GGA2: variants seen among roughly 807,000 people sequenced by gnomAD.
GGA2 encodes ADP-ribosylation factor-binding protein GGA2.
A neutral mutation model predicts 79.5 loss-of-function variants in GGA2; 48 were observed. The ratio of observed to expected loss-of-function variants is 0.60; its 90% confidence interval spans 0.48 to 0.77. The LOEUF (loss-of-function observed/expected upper bound fraction) is 0.77. GGA2 is among the 30% of genes least tolerant of loss of function. The pLI, the probability that GGA2 is intolerant of heterozygous loss-of-function variation, is 0.00. For synonymous variants in GGA2, 317 were observed against 302.0 expected (o/e 1.05, Z -0.51); for missense variants, 770 against 774.0 (o/e 0.99, Z 0.06).
chr16:23,516,692 C>T (rs190180085), intron 2 of GGA2, among the ~76,000 whole-genome samples: 20 of 152,298 alleles, frequency 1.3e-4, no homozygotes, highest in African/African-American at 4.8e-4. Context: ...GTGCCTGCCA[C>T]TCCCCACCTG....
rs1964431327 is a variant in GGA2 at position 23,465,924 on chromosome 16, G to A, written c.*1666C>T. ...CCACCGCACTCCAGCCTGAGTGACA[G>A]AGTGAGATATGGCCTCAAAAAACAA... On this transcript the variant is annotated 3_prime_UTR_variant, in exon 17 of 17. Transcript: ENST00000309859. 1 of 153,224 alleles carries A rather than the reference G, an allele frequency of 6.5e-6. No individual in the cohort carries two copies. Among genetic ancestry groups the A allele is most frequent in the Non-Finnish European group, 1.5e-5 (1 of 68,698 alleles). 9.5% of individuals were successfully genotyped at this position (153,224 alleles called of 1,614,324 possible). A position where few individuals can be genotyped will look rare whatever the true frequency, so the allele number is the denominator to read the frequency against.
At chr16:23,475,148 A>T (rs891738027) in intron 13 of GGA2, 87 bp from the exon 14 acceptor site, 1 of 754,562 alleles carries the variant, frequency 1.3e-6, no homozygotes, top group Non-Finnish European at 2.2e-6. Flanking sequence ...GAACAAGGAA[A>T]AAATAACACA....
intron 1 of GGA2, among the ~76,000 whole-genome samples, chr16:23,500,699 G>A (rs1046698723): frequency 6.6e-6 from 1 of 152,260 alleles, no homozygotes; most frequent in African/African-American, 2.4e-5. Context: ...GAACCGCCCT[G>A]CAGCTATAAC....
At chr16:23,491,890 G>A (rs914863564) in intron 4 of GGA2, 90 bp from the exon 5 acceptor site, 29 of 865,556 alleles carry the variant, frequency 3.4e-5, no homozygotes, top group Middle Eastern at 5.9e-4. Flanking sequence ...GAGGCCCAGA[G>A]ACACAAGCTC....
intron 1 of GGA2, among the ~76,000 whole-genome samples, chr16:23,500,195 G>T (rs1275097400): frequency 6.6e-6 from 1 of 152,242 alleles, no homozygotes; most frequent in East Asian, 1.9e-4. Flanking sequence ...GGCTGCTAGT[G>T]GGGAGCAGCC....
At position 23,464,991 on chromosome 16, in the gene GGA2, G is replaced by A. The variant is rs1964416949; in HGVS notation, c.*2599C>T. 1 of 292,684 alleles carries A rather than the reference G, an allele frequency of 3.4e-6. No individual in the cohort carries two copies. The highest frequency in any genetic ancestry group is 4.7e-5 in the Admixed American group (1 of 21,112). The allele number at this position is 292,684 out of a possible 1,614,324, so 18.1% of individuals were successfully genotyped here. A position where few individuals can be genotyped will look rare whatever the true frequency, so the allele number is the denominator to read the frequency against. ...AGGAAAAAGAGCAGTCACGGAGGTA[G>A]GTCACGAAATGGGTCAACAGGACCC... On this transcript the variant is annotated 3_prime_UTR_variant, in exon 17 of 17. Coordinates refer to ENST00000309859, the MANE Select transcript of GGA2 (RefSeq NM_015044.4).
chr16:23,513,165 T>G (rs1468832190), upstream of GGA2, among the ~76,000 whole-genome samples: 1 of 152,154 alleles, frequency 6.6e-6, no homozygotes, highest in Non-Finnish European at 1.5e-5. Context: ...ATCCTTCAAC[T>G]CCTGAAACTT....
intron 5 of GGA2, 100 bp from the exon 6 acceptor site, chr16:23,488,809 T>C (rs1172024521): frequency 4.3e-6 from 3 of 690,604 alleles, no homozygotes; most frequent in Non-Finnish European, 7.6e-6. Context: ...CCTAATACCA[T>C]GCTAGCAAAG....
chr16:23,472,151 C>T (rs1964518594), intron 14 of GGA2, among the ~76,000 whole-genome samples: 2 of 147,218 alleles, frequency 1.4e-5, no homozygotes, highest in South Asian at 4.3e-4. Flanking sequence ...TTCTTTGTAG[C>T]CCTGGCATCC....
chr16:23,503,076 A>T (rs1964937028), intron 1 of GGA2, among the ~76,000 whole-genome samples: 1 of 152,188 alleles, frequency 6.6e-6, no homozygotes, highest in Non-Finnish European at 1.5e-5. Context: ...GAATATGGCA[A>T]AGTGAGGGAG....
At chr16:23,486,642 C>CTCA in intron 7 of GGA2, 68 bp downstream of exon 7, 1 of 901,260 alleles carries the variant, frequency 1.1e-6, no homozygotes, top group Non-Finnish European at 1.9e-6. Flanking sequence ...CAAGCATAGG[C>CTCA]TCATATGCAC....
intron 3 of GGA2, 163 bp from the exon 4 acceptor site, chr16:23,493,621 A>G: frequency 1.7e-6 from 1 of 600,600 alleles, no homozygotes; most frequent in Non-Finnish European, 3.0e-6. Flanking sequence ...TTTTCAGATC[A>G]AGAAAAAAAT....
Position 23,465,482 on chromosome 16 carries a change from ATGTTCAGG to A in GGA2, c.*2100_*2107del. 1 of 699,950 alleles carries A rather than the reference ATGTTCAGG, an allele frequency of 1.4e-6. No individual in the cohort carries two copies. Among genetic ancestry groups the A allele is most frequent in the South Asian group, 1.5e-5 (1 of 67,124 alleles). 43.4% of individuals were successfully genotyped at this position (699,950 alleles called of 1,614,324 possible). A position where few individuals can be genotyped will look rare whatever the true frequency, so the allele number is the denominator to read the frequency against. On this transcript the variant is annotated 3_prime_UTR_variant, in exon 17 of 17. Coordinates refer to ENST00000309859, the MANE Select transcript of GGA2 (RefSeq NM_015044.4). ...GGAGTCTGTCTCCTCAAAAGCAAGA[ATGTTCAGG>A]TACACATGTGTGAGTTCACCTCCTA... is the stretch of plus-strand genomic sequence containing the variant.
chr16:23,480,095 C>G (rs1045797073), intron 10 of GGA2: 30 of 546,896 alleles, frequency 5.5e-5, no homozygotes, highest in Non-Finnish European at 8.5e-5. Context: ...GCCTTCCTAC[C>G]CCAGGGATCA....
chr16:23,512,844 A>G (rs1021764081), upstream of GGA2, among the ~76,000 whole-genome samples: 1 of 151,060 alleles, frequency 6.6e-6, no homozygotes, highest in Non-Finnish European at 1.5e-5. Context: ...AGCTGGGAAT[A>G]CAGGCGCCCA....
chr16:23,469,127 C>T (rs1964479377), intron 15 of GGA2, 131 bp from the exon 16 acceptor site: 3 of 599,766 alleles, frequency 5.0e-6, no homozygotes, highest in Non-Finnish European at 9.2e-6. Flanking sequence ...CGTGGTACCC[C>T]GAGGCACCTA....
intron 1 of GGA2, among the ~76,000 whole-genome samples, chr16:23,497,603 G>A (rs950612228): frequency 2.0e-5 from 3 of 152,054 alleles, no homozygotes; most frequent in Non-Finnish European, 4.4e-5. Context: ...CCCCACCCCC[G>A]CAAAGCTCTC....
At chr16:23,475,786 A>G (rs997955343) in intron 13 of GGA2, among the ~76,000 whole-genome samples, 8 of 151,970 alleles carry the variant, frequency 5.3e-5, no homozygotes, top group Middle Eastern at 3.4e-3. Context: ...AAAATTAGCC[A>G]GGTGGTGGTG....
At chr16:23,476,315 T>C (rs1964576345) in intron 13 of GGA2, among the ~76,000 whole-genome samples, 1 of 152,180 alleles carries the variant, frequency 6.6e-6, no homozygotes, top group African/African-American at 2.4e-5. Context: ...TGCCTGAGCC[T>C]GGTGGTTTCT....
Sources: allele counts gnomAD v4.1 joint callset (sites outside exome capture counted in the v4.1 genomes callset), GRCh38; gene constraint gnomAD v4.1.1; transcripts MANE v1.5; gene names NCBI Gene and HGNC (gene_info 2026-07-23, HGNC 2026-07-21).